PFKFB3: variants seen among roughly 807,000 people sequenced by gnomAD.
The protein encoded by PFKFB3 is 6-phosphofructo-2-kinase/fructose-2,6-bisphosphatase 3.
In PFKFB3, 33 loss-of-function variants were observed where a neutral mutation model predicts 68.0. The observed-to-expected ratio is 0.49, with a 90% CI of 0.37 to 0.65. PFKFB3 has a LOEUF of 0.65. PFKFB3 is among the 30% of genes least tolerant of loss of function. The pLI is 0.00. For missense variants in PFKFB3, 586 were observed against 712.2 expected, an observed-to-expected ratio of 0.82 and a Z score of 2.02; for synonymous variants, 315 against 288.2, an observed-to-expected ratio of 1.09 and a Z score of -0.94.
chr10:6,302,749 T>TACACACACAC, the PFKFB3 span, among the ~76,000 whole-genome samples: 1 of 145,736 alleles, frequency 6.9e-6, no homozygotes, highest in South Asian at 2.2e-4. Context: ...TGTGTGTGTA[T>TACACACACAC]ACACACACAC....
intron 1 of PFKFB3, among the ~76,000 whole-genome samples, chr10:6,208,087 T>C (rs1178274087): frequency 6.6e-6 from 1 of 152,086 alleles, no homozygotes; most frequent in Non-Finnish European, 1.5e-5. Flanking sequence ...CACCAAACTT[T>C]GTTTTTTGAG....
At chr10:6,176,082 TGGA>T (rs1474298378) in intron 1 of PFKFB3, among the ~76,000 whole-genome samples, 2 of 152,166 alleles carry the variant, frequency 1.3e-5, no homozygotes, top group Admixed American at 6.5e-5. Context: ...TCCATCAGTG[TGGA>T]GAAGTCAAGT....
At chr10:6,196,224 C>T (rs781236499) in intron 1 of PFKFB3, among the ~76,000 whole-genome samples, 4 of 151,850 alleles carry the variant, frequency 2.6e-5, no homozygotes, top group Non-Finnish European at 4.4e-5. Flanking sequence ...CTCCACCTCC[C>T]GGTTCAAGCG....
chr10:6,187,524 T>A (rs1042249126), intron 1 of PFKFB3, among the ~76,000 whole-genome samples: 1 of 152,230 alleles, frequency 6.6e-6, no homozygotes, highest in Admixed American at 6.5e-5. Flanking sequence ...ACAACTGCTC[T>A]AGGCTGCGTC....
intron 1 of PFKFB3, among the ~76,000 whole-genome samples, chr10:6,184,331 G>A (rs903247216): frequency 6.6e-6 from 1 of 152,124 alleles, no homozygotes; most frequent in East Asian, 1.9e-4. Flanking sequence ...AGGATTACAG[G>A]TGTGAGCTAC....
At chr10:6,219,365 C>T (rs1392952794) in intron 6 of PFKFB3, among the ~76,000 whole-genome samples, 1 of 152,178 alleles carries the variant, frequency 6.6e-6, no homozygotes, top group Admixed American at 6.5e-5. Context: ...TTCAGTTCTC[C>T]ATCTCCCCAG....
At chr10:6,254,806 T>C (rs886112660), downstream of PFKFB3, among the ~76,000 whole-genome samples, 1 of 106,212 alleles carries the variant, frequency 9.4e-6, no homozygotes, top group Admixed American at 1.3e-4. Context: ...TTTTTTTCTG[T>C]TCTTTTTTTT....
intron 14 of PFKFB3, among the ~76,000 whole-genome samples, chr10:6,232,648 A>C (rs1200898726): frequency 6.6e-6 from 1 of 151,572 alleles, no homozygotes; most frequent in Non-Finnish European, 1.5e-5. Context: ...GGCCCCCACC[A>C]GGCGGGCTCC....
exon 1 of PFKFB3, chr10:6,145,009 G>A (rs1841329259): frequency 3.0e-6 from 4 of 1,340,588 alleles, no homozygotes. Flanking sequence ...TGCCCTTCAG[G>A]AAAGGTAGGA....
intron 14 of PFKFB3, among the ~76,000 whole-genome samples, chr10:6,227,046 A>G (rs1208116677): frequency 6.6e-6 from 1 of 152,012 alleles, no homozygotes; most frequent in East Asian, 1.9e-4. Context: ...AGATGGTGCC[A>G]CTGCACTCCA....
chr10:6,168,714 T>A (rs1842211154), intron 1 of PFKFB3, among the ~76,000 whole-genome samples: 1 of 152,126 alleles, frequency 6.6e-6, no homozygotes, highest in African/African-American at 2.4e-5. Context: ...GATGGGGTGG[T>A]CTGCACAGCA....
intron 13 of PFKFB3, among the ~76,000 whole-genome samples, chr10:6,225,701 T>C (rs1287857798): frequency 7.0e-6 from 1 of 141,978 alleles, no homozygotes; most frequent in Non-Finnish European, 1.6e-5. Flanking sequence ...CCGTGCCCCA[T>C]CCTAAGCCAG....
At chr10:6,191,455 A>G (rs1041994537) in intron 1 of PFKFB3, among the ~76,000 whole-genome samples, 2 of 152,234 alleles carry the variant, frequency 1.3e-5, no homozygotes, top group African/African-American at 2.4e-5. Context: ...TTAATATAGC[A>G]GTTCTAGACT....
At chr10:6,189,605 C>T (rs181670376) in intron 1 of PFKFB3, among the ~76,000 whole-genome samples, 235 of 151,538 alleles carry the variant, frequency 1.6e-3, no homozygotes, top group Non-Finnish European at 2.9e-3. Context: ...ACCACCACCT[C>T]CCAGGTTCAA....
At chr10:6,164,897 A>G (rs571634974) in intron 1 of PFKFB3, among the ~76,000 whole-genome samples, 119 of 152,156 alleles carry the variant, frequency 7.8e-4, no homozygotes, top group African/African-American at 2.7e-3. Flanking sequence ...GTTTTCTCCT[A>G]TCTCAGAATA....
the PFKFB3 span, among the ~76,000 whole-genome samples, chr10:6,263,571 C>T: frequency 6.6e-6 from 1 of 152,204 alleles, no homozygotes. Context: ...GCTCCTATTG[C>T]AAATTCTAGC....
At chr10:6,277,232 CTTTTCTTTTCTTTTTT>C in the PFKFB3 span, among the ~76,000 whole-genome samples, 5 of 150,158 alleles carry the variant, frequency 3.3e-5, no homozygotes, top group Non-Finnish European at 7.4e-5. Flanking sequence ...TTTTCTTTTT[CTTTTCTTTTCTTTTTT>C]TTTGAGACAG....
chr10:6,169,014 T>G (rs1008716050), intron 1 of PFKFB3, among the ~76,000 whole-genome samples: 15 of 87,762 alleles, frequency 1.7e-4, no homozygotes, highest in Non-Finnish European at 3.4e-4. Flanking sequence ...TGGAGTGCAC[T>G]GGTCACTGCA....
the PFKFB3 span, among the ~76,000 whole-genome samples, chr10:6,324,519 C>T: frequency 3.3e-5 from 5 of 152,022 alleles, 1 homozygote; most frequent in East Asian, 3.9e-4. Context: ...CTCTGCCTCC[C>T]GGGTTTGGGT....
Sources: allele counts gnomAD v4.1 joint callset (sites outside exome capture counted in the v4.1 genomes callset), GRCh38; gene constraint gnomAD v4.1.1; transcripts MANE v1.5; gene names NCBI Gene and HGNC (gene_info 2026-07-23, HGNC 2026-07-21).